PUS7: variants seen among roughly 807,000 people sequenced by gnomAD.
PUS7 encodes pseudouridylate synthase 7 homolog.
A neutral mutation model predicts 79.8 loss-of-function variants in PUS7; 48 were observed. That is an observed-to-expected ratio of 0.60 (90% CI 0.48 to 0.76). PUS7 has a LOEUF of 0.76. Ranked by LOEUF, PUS7 falls within the 30% of genes least tolerant of loss-of-function variation. The probability of loss-of-function intolerance (pLI) is 0.00; values close to 1 mark genes in which losing one functional copy is unlikely to be tolerated. For synonymous variants in PUS7, 286 were observed against 272.2 expected, an observed-to-expected ratio of 1.05 and a Z score of -0.50; for missense variants, 729 against 797.6, an observed-to-expected ratio of 0.91 and a Z score of 1.04.
intron 14 of PUS7, among the ~76,000 whole-genome samples, chr7:105,461,560 G>T (rs1823427309): frequency 6.6e-6 from 1 of 152,158 alleles, no homozygotes; most frequent in African/African-American, 2.4e-5. Context: ...ATACAAAGTA[G>T]TAGCAGTAGT....
At chr7:105,477,549 G>A (rs1824162995) in intron 9 of PUS7, among the ~76,000 whole-genome samples, 1 of 151,930 alleles carries the variant, frequency 6.6e-6, no homozygotes. Flanking sequence ...CACTGTGCCT[G>A]GCTCACTTTC....
At chr7:105,520,557 A>G (rs1318993110) in intron 1 of PUS7, among the ~76,000 whole-genome samples, 1 of 144,832 alleles carries the variant, frequency 6.9e-6, no homozygotes, top group African/African-American at 2.6e-5. Context: ...TAAATAAATA[A>G]ATAAAAATAC....
At chr7:105,471,100 G>T (rs1823856764) in intron 10 of PUS7, among the ~76,000 whole-genome samples, 1 of 152,168 alleles carries the variant, frequency 6.6e-6, no homozygotes, top group South Asian at 2.1e-4. Context: ...TATAACAGCT[G>T]ATTCAACATG....
intron 5 of PUS7, among the ~76,000 whole-genome samples, chr7:105,497,972 C>G (rs1003114861): frequency 4.6e-5 from 7 of 152,160 alleles, no homozygotes; most frequent in Non-Finnish European, 1.0e-4. Flanking sequence ...TTCTCAACTA[C>G]CCCTTTGGAG....
chr7:105,499,711 G>A (rs939160102), intron 5 of PUS7, among the ~76,000 whole-genome samples: 3 of 152,152 alleles, frequency 2.0e-5, no homozygotes, highest in African/African-American at 7.2e-5. Context: ...AGGATGCACA[G>A]TTCTATCTGA....
intron 1 of PUS7, among the ~76,000 whole-genome samples, chr7:105,518,659 G>A (rs1009171025): frequency 1.3e-5 from 2 of 152,128 alleles, no homozygotes; most frequent in Admixed American, 1.3e-4. Context: ...CCTCAACTGG[G>A]ATTACAGGTG....
Position 105,475,249 on chromosome 7 carries a change from G to A in PUS7, c.1176-3056C>T, listed in dbSNP as rs1027759840. On this transcript the variant is annotated intron_variant, in intron 9 of 15. Transcript: ENST00000469408. ...CACCCAGGCTAGAGTGCAGTGGCAC[G>A]ATCTCGGCTCACTGCAAGCTCCGCC... Among the ~76,000 whole-genome samples, 8 of 152,078 alleles carry A rather than the reference G, an allele frequency of 5.3e-5. No homozygotes were observed. The South Asian group carries it at 1.2e-3, about 24-fold the overall frequency.
At chr7:105,483,929 C>T (rs1373611846) in intron 7 of PUS7, among the ~76,000 whole-genome samples, 1 of 152,158 alleles carries the variant, frequency 6.6e-6, no homozygotes, top group Admixed American at 6.6e-5. Flanking sequence ...GAATCCAGGC[C>T]AGCGCTTTTA....
chr7:105,492,544 C>T (rs1179631076), intron 6 of PUS7, among the ~76,000 whole-genome samples: 73 of 125,962 alleles, frequency 5.8e-4, no homozygotes, highest in African/African-American at 1.9e-3. Context: ...CTCGCTCTGT[C>T]GCCCAGGCTG....
intron 2 of PUS7, 69 bp downstream of exon 2, chr7:105,508,046 A>G (rs1185169776): frequency 4.7e-6 from 7 of 1,476,898 alleles, no homozygotes; most frequent in Non-Finnish European, 5.4e-6. Context: ...GGAAGAATAT[A>G]AAGCTAATTT....
At chr7:105,490,091 C>G (rs1824719835) in intron 7 of PUS7, among the ~76,000 whole-genome samples, 1 of 149,914 alleles carries the variant, frequency 6.7e-6, no homozygotes, top group Non-Finnish European at 1.5e-5. Context: ...TGCACTCTAG[C>G]CTGGGTGACA....
At chr7:105,478,416 C>A (rs1824191649) in intron 9 of PUS7, among the ~76,000 whole-genome samples, 1 of 152,132 alleles carries the variant, frequency 6.6e-6, no homozygotes, top group Non-Finnish European at 1.5e-5. Context: ...ATCGTTATAC[C>A]ATTTTACATT....
intron 6 of PUS7, among the ~76,000 whole-genome samples, chr7:105,492,485 T>C (rs1392534673): frequency 7.1e-6 from 1 of 141,654 alleles, no homozygotes; most frequent in South Asian, 2.2e-4. Context: ...CCACCACATC[T>C]GGCTGATTTT....
At chr7:105,488,132 CA>C (rs1478856075) in intron 7 of PUS7, among the ~76,000 whole-genome samples, 4 of 152,042 alleles carry the variant, frequency 2.6e-5, no homozygotes, top group Non-Finnish European at 5.9e-5. Flanking sequence ...ATAAAGGCAG[CA>C]AAAATCTGAG....
chr7:105,504,735 C>G (rs1825387519), intron 4 of PUS7, among the ~76,000 whole-genome samples: 1 of 152,160 alleles, frequency 6.6e-6, no homozygotes, highest in Non-Finnish European at 1.5e-5. Context: ...TTGGACCATC[C>G]TTCTGGATTG....
intron 5 of PUS7, among the ~76,000 whole-genome samples, chr7:105,499,506 AAT>A (rs1825165384): frequency 6.6e-6 from 1 of 152,206 alleles, no homozygotes; most frequent in South Asian, 2.1e-4. Flanking sequence ...ACTGTCTCAA[AAT>A]ATAAATTAAT....
chr7:105,516,938 T>C (rs530754651), intron 1 of PUS7, among the ~76,000 whole-genome samples: 21 of 152,182 alleles, frequency 1.4e-4, no homozygotes, highest in African/African-American at 4.8e-4. Context: ...AATGAAGATA[T>C]AAAGTTACTA....
At chr7:105,465,243 T>A in intron 13 of PUS7, 70 bp downstream of exon 13, 1 of 1,141,836 alleles carries the variant, frequency 8.8e-7, no homozygotes, top group Non-Finnish European at 1.3e-6. Flanking sequence ...CCAAAGTTTA[T>A]ATATGCTTGA....
intron 1 of PUS7, among the ~76,000 whole-genome samples, chr7:105,510,022 C>T (rs6961233): frequency 0.14 from 20,906 of 152,054 alleles, 1,867 homozygotes; most frequent in South Asian, 0.26. Context: ...ATATTGTGGC[C>T]GGGATCGGTG....
Sources: allele counts gnomAD v4.1 joint callset (sites outside exome capture counted in the v4.1 genomes callset), GRCh38; gene constraint gnomAD v4.1.1; transcripts MANE v1.5; gene names NCBI Gene and HGNC (gene_info 2026-07-23, HGNC 2026-07-21).